CACNA2D3: variants seen among roughly 807,000 people sequenced by gnomAD.
CACNA2D3 encodes the protein voltage-dependent calcium channel subunit alpha-2/delta-3.
Under a neutral mutation model 160.6 loss-of-function variants are expected in CACNA2D3, and 60 were observed. The observed-to-expected ratio is 0.37, with a 90% confidence interval of 0.30 to 0.46. The LOEUF (loss-of-function observed/expected upper bound fraction) is 0.46, where lower values mean the gene tolerates loss of function less well. CACNA2D3 is among the 20% of genes least tolerant of loss of function. CACNA2D3 has a pLI of 1.00. For synonymous variants in CACNA2D3, 558 were observed against 492.9 expected, an observed-to-expected ratio of 1.13 and a Z score of -1.75; for missense variants, 1,205 against 1,365.0, an observed-to-expected ratio of 0.88 and a Z score of 1.85.
At chr3:54,308,754 C>T (rs192312253) in intron 2 of CACNA2D3, among the ~76,000 whole-genome samples, 6 of 152,014 alleles carry the variant, frequency 3.9e-5, no homozygotes, top group African/African-American at 1.5e-4. Context: ...TCTCCCTGAC[C>T]CAAATAGAAT....
intron 29 of CACNA2D3, among the ~76,000 whole-genome samples, chr3:54,971,269 C>T (rs1702272341): frequency 6.6e-6 from 1 of 152,190 alleles, no homozygotes; most frequent in Admixed American, 6.5e-5. Context: ...GTAGGATAGT[C>T]AAGTGGGCCT....
At chr3:54,734,047 T>C (rs1421426033) in intron 11 of CACNA2D3, among the ~76,000 whole-genome samples, 1 of 152,166 alleles carries the variant, frequency 6.6e-6, no homozygotes, top group Non-Finnish European at 1.5e-5. Context: ...ATAATAGTTT[T>C]GGGGAACTAT....
chr3:54,946,759 G>A (rs1056790832), intron 27 of CACNA2D3, among the ~76,000 whole-genome samples: 12 of 151,226 alleles, frequency 7.9e-5, no homozygotes, highest in Middle Eastern at 3.4e-3. Context: ...TTAAACACCC[G>A]AAATCATGGA....
intron 36 of CACNA2D3, 108 bp downstream of exon 36, chr3:55,073,665 C>A: frequency 8.1e-7 from 1 of 1,233,102 alleles, no homozygotes; most frequent in Non-Finnish European, 1.2e-6. Context: ...TACATCCTTT[C>A]CACTGTTGGA....
chr3:54,503,373 A>T, intron 4 of CACNA2D3, 119 bp from the exon 5 acceptor site: 3 of 795,616 alleles, frequency 3.8e-6, no homozygotes, highest in Admixed American at 2.3e-5. Context: ...TAAAAAGATT[A>T]TGTGAGCAGA....
intron 4 of CACNA2D3, among the ~76,000 whole-genome samples, chr3:54,480,555 A>C (rs928305397): frequency 9.9e-5 from 15 of 152,212 alleles, no homozygotes; most frequent in Non-Finnish European, 1.6e-4. Context: ...AAAATCATAA[A>C]AGCAGGGGTC....
rs1226589437 is a variant in CACNA2D3 at position 54,867,348 on chromosome 3, CAGTG to C, written c.1627-4188_1627-4185del. On this transcript the variant is annotated intron_variant, in intron 17 of 37. Coordinates refer to ENST00000474759, the MANE Select transcript of CACNA2D3 (RefSeq NM_018398.3). ...AGACGCAATCGTGTATCTTGGAAAACAGTGAGGCATTTTATAAATCACATGTTCC... is the reference window on the plus strand; with the variant it reads ...AGACGCAATCGTGTATCTTGGAAAACAGGCATTTTATAAATCACATGTTCC... Among the ~76,000 whole-genome samples the C allele has an allele frequency of 5.9e-5, 9 of 152,218 alleles. No homozygotes were observed. The South Asian group carries it at 1.5e-3, about 25-fold the overall frequency.
intron 3 of CACNA2D3, among the ~76,000 whole-genome samples, chr3:54,336,736 A>G (rs9855109): frequency 0.21 from 32,577 of 152,182 alleles, 3,765 homozygotes; most frequent in Middle Eastern, 0.28. Flanking sequence ...GGACAGTTCA[A>G]ATGTGCTGGA....
chr3:54,492,987 T>C (rs1468744212), intron 4 of CACNA2D3, among the ~76,000 whole-genome samples: 23 of 151,394 alleles, frequency 1.5e-4, no homozygotes, highest in Non-Finnish European at 1.5e-5. Context: ...AATGTACAAA[T>C]GTTAAGACAA....
chr3:54,319,607 T>C (rs1241350067), intron 2 of CACNA2D3, among the ~76,000 whole-genome samples: 1 of 152,196 alleles, frequency 6.6e-6, no homozygotes, highest in African/African-American at 2.4e-5. Context: ...AGGAACAAAA[T>C]TAAATCTTTA....
intron 2 of CACNA2D3, among the ~76,000 whole-genome samples, chr3:54,290,424 G>T: frequency 6.6e-6 from 1 of 152,140 alleles, no homozygotes; most frequent in East Asian, 1.9e-4. Context: ...TGCTGGAGAG[G>T]ATGTGGAAAA....
At chr3:54,973,919 T>G (rs908254685) in intron 29 of CACNA2D3, among the ~76,000 whole-genome samples, 6 of 152,200 alleles carry the variant, frequency 3.9e-5, no homozygotes, top group African/African-American at 1.4e-4. Flanking sequence ...CACCTTCCTG[T>G]GCCTGATGTA....
At chr3:54,687,131 T>TCTTTTTC (rs1559549408) in intron 11 of CACNA2D3, among the ~76,000 whole-genome samples, 1 of 49,324 alleles carries the variant, frequency 2.0e-5, no homozygotes, top group African/African-American at 7.9e-5. Context: ...CTTTTTTTTT[T>TCTTTTTC]TTTGTTTTTT....
chr3:54,124,364 G>T (rs1015509691), intron 2 of CACNA2D3, among the ~76,000 whole-genome samples: 4 of 149,942 alleles, frequency 2.7e-5, no homozygotes, highest in Non-Finnish European at 4.5e-5. Flanking sequence ...AGGAAATAAA[G>T]AAAAAAAAAT....
At chr3:54,804,319 T>G (rs1703064357) in intron 13 of CACNA2D3, among the ~76,000 whole-genome samples, 1 of 151,866 alleles carries the variant, frequency 6.6e-6, no homozygotes, top group African/African-American at 2.4e-5. Context: ...CCATCTCACA[T>G]GCAGAGACAC....
Position 54,611,555 on chromosome 3 carries a change from A to AT in CACNA2D3, c.964-16228dup, listed in dbSNP as rs1698749055. Among the ~76,000 whole-genome samples, 3 of 152,148 alleles carry AT rather than the reference A, an allele frequency of 2.0e-5. No homozygotes were observed. In the South Asian group the frequency reaches 6.2e-4, roughly 32 times the overall value. On this transcript the variant is annotated intron_variant, in intron 9 of 37. Coordinates refer to ENST00000474759, the MANE Select transcript of CACNA2D3 (RefSeq NM_018398.3). Reference sequence around the variant, plus strand: ...TTCTAAAATGCTGACTGGAAGGGCCATTTTGTTAATTTAGTGTGCCTGCTT... The same window carrying AT: ...TTCTAAAATGCTGACTGGAAGGGCCATTTTTGTTAATTTAGTGTGCCTGCTT...
At chr3:55,012,885 G>A (rs1703240558) in intron 34 of CACNA2D3, among the ~76,000 whole-genome samples, 1 of 152,168 alleles carries the variant, frequency 6.6e-6, no homozygotes, top group Admixed American at 6.5e-5. Context: ...AGAGATACTT[G>A]TGAAGGCTCC....
intron 13 of CACNA2D3, among the ~76,000 whole-genome samples, chr3:54,770,472 T>G (rs562528618): frequency 1.3e-5 from 2 of 152,352 alleles, no homozygotes; most frequent in South Asian, 4.1e-4. Context: ...TGAAAATCAG[T>G]CAGATTTGCT....
intron 4 of CACNA2D3, among the ~76,000 whole-genome samples, chr3:54,417,255 C>T (rs568723573): frequency 6.6e-6 from 1 of 152,248 alleles, no homozygotes; most frequent in Non-Finnish European, 1.5e-5. Flanking sequence ...AAAACAACAA[C>T]AGCACAAACA....
Sources: gnomAD v4.1 joint callset for allele counts (sites outside exome capture counted in the v4.1 genomes callset) on GRCh38, gnomAD v4.1.1 for gene constraint, MANE v1.5 for transcripts, NCBI Gene and HGNC (gene_info 2026-07-23, HGNC 2026-07-21) for gene names.